The following MAP4K3 variants were observed in gnomAD, a reference collection of about 807,000 sequenced individuals.
MAP4K3 encodes the protein MAPK/ERK kinase kinase kinase 3.
In MAP4K3, 94 loss-of-function variants were observed where a neutral mutation model predicts 143.5. The observed-to-expected ratio is 0.65, with a 90% CI of 0.55 to 0.78. The LOEUF (loss-of-function observed/expected upper bound fraction) is 0.78, where lower values mean the gene tolerates loss of function less well. Ranked by LOEUF, MAP4K3 falls within the 30% of genes least tolerant of loss-of-function variation. MAP4K3 has a pLI of 0.00. For missense variants in MAP4K3, 1,077 were observed against 1,068.1 expected, an observed-to-expected ratio of 1.01 and a Z score of -0.12; for synonymous variants, 416 against 347.2, an observed-to-expected ratio of 1.20 and a Z score of -2.20.
chr2:39,250,728 A>T (rs559449542), intron 33 of MAP4K3, 23 bp from the exon 34 acceptor site: 20 of 1,593,990 alleles, frequency 1.3e-5, no homozygotes, highest in East Asian at 1.1e-4. Flanking sequence ...AAAAACATAT[A>T]ACAAAACAAA....
At chr2:39,361,990 T>A (rs1003721167) in intron 2 of MAP4K3, among the ~76,000 whole-genome samples, 2 of 152,050 alleles carry the variant, frequency 1.3e-5, no homozygotes, top group African/African-American at 4.8e-5. Flanking sequence ...CCCTTCTGAA[T>A]AGAAGAACTT....
intron 8 of MAP4K3, among the ~76,000 whole-genome samples, chr2:39,329,954 AGAGTTGAGG>A (rs1195372549): frequency 1.3e-5 from 2 of 152,160 alleles, no homozygotes; most frequent in African/African-American, 4.8e-5. Context: ...ATGAATGTAG[AGAGTTGAGG>A]AACTCTTATA....
intron 15 of MAP4K3, among the ~76,000 whole-genome samples, chr2:39,305,069 G>A (rs1042005108): frequency 1.3e-5 from 2 of 152,140 alleles, no homozygotes; most frequent in Admixed American, 1.3e-4. Context: ...AAGGAATGGG[G>A]AGTTATTGTT....
At chr2:39,284,430 G>C (rs115282255) in intron 21 of MAP4K3, among the ~76,000 whole-genome samples, 1 of 152,016 alleles carries the variant, frequency 6.6e-6, no homozygotes, top group South Asian at 2.1e-4. Context: ...CAAAGTGTAC[G>C]GATTATAGGT....
At chr2:39,280,428 T>G (rs992839312) in intron 22 of MAP4K3, 72 bp from the exon 23 acceptor site, 23 of 821,004 alleles carry the variant, frequency 2.8e-5, no homozygotes, top group Non-Finnish European at 4.5e-5. Flanking sequence ...ATGTAACTAT[T>G]ATCTATTTTA....
intron 1 of MAP4K3, among the ~76,000 whole-genome samples, chr2:39,396,567 G>A (rs1025944830): frequency 1.7e-4 from 25 of 150,588 alleles, no homozygotes; most frequent in Non-Finnish European, 3.2e-4. Flanking sequence ...TCCGCCTCCT[G>A]GGTTCACGCC....
intron 2 of MAP4K3, among the ~76,000 whole-genome samples, chr2:39,372,770 C>T (rs1666118004): frequency 6.6e-6 from 1 of 152,048 alleles, no homozygotes; most frequent in African/African-American, 2.4e-5. Context: ...CTTCCTCTTA[C>T]CATATACAAA....
chr2:39,371,305 T>G (rs1319219329), intron 2 of MAP4K3, among the ~76,000 whole-genome samples: 1 of 152,162 alleles, frequency 6.6e-6, no homozygotes, highest in Admixed American at 6.5e-5. Context: ...CAGGATTGGA[T>G]TATAAAATGA....
At chr2:39,382,380 C>A (rs892070711) in intron 1 of MAP4K3, among the ~76,000 whole-genome samples, 5 of 152,126 alleles carry the variant, frequency 3.3e-5, no homozygotes, top group Middle Eastern at 3.2e-3. Flanking sequence ...AGGGCATGTC[C>A]GATGTGAATA....
intron 1 of MAP4K3, among the ~76,000 whole-genome samples, chr2:39,417,362 G>A: frequency 6.6e-6 from 1 of 152,090 alleles, no homozygotes; most frequent in Middle Eastern, 3.2e-3. Flanking sequence ...TGGGACTACA[G>A]GCGCCTGTCA....
chr2:39,400,103 G>C (rs761753730), intron 1 of MAP4K3, among the ~76,000 whole-genome samples: 15 of 152,094 alleles, frequency 9.9e-5, no homozygotes, highest in African/African-American at 4.8e-5. Context: ...CTATACTTTA[G>C]GTGTAGTGAT....
chr2:39,393,144 G>C (rs949526462), intron 1 of MAP4K3, among the ~76,000 whole-genome samples: 1 of 152,058 alleles, frequency 6.6e-6, no homozygotes, highest in Non-Finnish European at 1.5e-5. Context: ...AATTTGTTTT[G>C]AGTTGGAGAA....
intron 1 of MAP4K3, among the ~76,000 whole-genome samples, chr2:39,392,510 G>A (rs539733713): frequency 1.1e-4 from 16 of 152,266 alleles, no homozygotes; most frequent in African/African-American, 3.4e-4. Context: ...GGGGCCCAAG[G>A]CTGGGCTTCA....
chr2:39,286,980 T>C lies in MAP4K3; in HGVS notation c.1475-16A>G, dbSNP rs768763768. The C allele has an allele frequency of 3.5e-5, 52 of 1,493,100 alleles. No homozygotes were observed. Among genetic ancestry groups the C allele is most frequent in the Non-Finnish European group, 4.4e-5 (48 of 1,088,684 alleles). 92.5% of individuals were successfully genotyped at this position (1,493,100 alleles called of 1,614,324 possible). On this transcript the variant is annotated splice_polypyrimidine_tract_variant and intron_variant, in intron 20 of 33. Coordinates refer to ENST00000263881, the MANE Select transcript of MAP4K3 (RefSeq NM_003618.4). ...ATTCCATTTCCTTCAATAAGATATA[T>C]TCATTGAAAATGATTAATCTTCATG...
At chr2:39,342,144 T>C (rs1665161299) in intron 4 of MAP4K3, among the ~76,000 whole-genome samples, 1 of 135,838 alleles carries the variant, frequency 7.4e-6, no homozygotes, top group South Asian at 2.3e-4. Flanking sequence ...ATTATTATTA[T>C]TATTATTATT....
intron 24 of MAP4K3, among the ~76,000 whole-genome samples, chr2:39,276,801 C>T (rs1323718574): frequency 1.3e-5 from 2 of 152,180 alleles, no homozygotes; most frequent in South Asian, 4.1e-4. Context: ...AAAAGCTCCC[C>T]CCACTCATTG....
intron 2 of MAP4K3, among the ~76,000 whole-genome samples, chr2:39,363,832 GA>G (rs1665839481): frequency 6.6e-6 from 1 of 151,416 alleles, no homozygotes; most frequent in Admixed American, 6.6e-5. Context: ...TCATACTGGG[GA>G]TTTTTTTTTT....
At chr2:39,263,594 A>G (rs1436319936) in intron 28 of MAP4K3, among the ~76,000 whole-genome samples, 1 of 152,090 alleles carries the variant, frequency 6.6e-6, no homozygotes, top group East Asian at 1.9e-4. Context: ...AGAAGTCTTG[A>G]CGCAGAGAGA....
chr2:39,428,857 C>T (rs1397434837), intron 1 of MAP4K3, among the ~76,000 whole-genome samples: 2 of 151,326 alleles, frequency 1.3e-5, no homozygotes, highest in African/African-American at 4.9e-5. Flanking sequence ...ATCACGAGGT[C>T]AAGAGTTCGA....
Sources: allele counts gnomAD v4.1 joint callset (sites outside exome capture counted in the v4.1 genomes callset), GRCh38; gene constraint gnomAD v4.1.1; transcripts MANE v1.5; gene names NCBI Gene and HGNC (gene_info 2026-07-23, HGNC 2026-07-21).